Variants in CSMD3 observed in about 807,000 individuals in gnomAD.
CSMD3 encodes CUB and Sushi multiple domains 3.
Under a neutral mutation model 435.2 loss-of-function variants are expected in CSMD3, and 177 were observed. The ratio of observed to expected loss-of-function variants is 0.41; its 90% confidence interval spans 0.36 to 0.46. CSMD3 has a LOEUF of 0.46. Among genes scored for constraint, CSMD3 ranks in the 20% least tolerant of loss-of-function variants. The probability of loss-of-function intolerance (pLI) is 0.34; values close to 1 mark genes in which losing one functional copy is unlikely to be tolerated. For synonymous variants in CSMD3, 1,656 were observed against 1,520.5 expected, an observed-to-expected ratio of 1.09 and a Z score of -2.07; for missense variants, 4,265 against 4,504.6, an observed-to-expected ratio of 0.95 and a Z score of 1.52.
chr8:113,370,589 C>A (rs1331276048), intron 1 of CSMD3, among the ~76,000 whole-genome samples: 1 of 151,868 alleles, frequency 6.6e-6, no homozygotes, highest in Non-Finnish European at 1.5e-5. Context: ...AGATATATCC[C>A]CTGCACCCAC....
At chr8:112,324,619 A>G (rs2130892137) in intron 45 of CSMD3, among the ~76,000 whole-genome samples, 1 of 151,354 alleles carries the variant, frequency 6.6e-6, no homozygotes, top group East Asian at 1.9e-4. Flanking sequence ...GAGATGAATG[A>G]TAGCCCTAGT....
chr8:112,829,242 T>C (rs1196524020), intron 12 of CSMD3, among the ~76,000 whole-genome samples: 1 of 152,174 alleles, frequency 6.6e-6, no homozygotes, highest in Non-Finnish European at 1.5e-5. Flanking sequence ...CCTGGAGATG[T>C]TGATTCACTA....
intron 3 of CSMD3, among the ~76,000 whole-genome samples, chr8:113,257,134 C>A (rs545698997): frequency 6.6e-6 from 1 of 152,234 alleles, no homozygotes; most frequent in South Asian, 2.1e-4. Context: ...ACGGGCCGGG[C>A]GCAGTGGCTC....
At chr8:112,832,792 A>T (rs764974682) in intron 11 of CSMD3, among the ~76,000 whole-genome samples, 62 of 152,104 alleles carry the variant, frequency 4.1e-4, no homozygotes, top group Non-Finnish European at 4.6e-4. Flanking sequence ...TAAAAAATTT[A>T]TGTTGTTTCA....
chr8:112,650,096 T>A, intron 19 of CSMD3, 65 bp downstream of exon 19: 1 of 1,210,182 alleles, frequency 8.3e-7, no homozygotes, highest in East Asian at 2.3e-5. Flanking sequence ...AAACCCCATA[T>A]AAAAAACTAC....
chr8:112,940,188 G>C lies in CSMD3; in HGVS notation c.1508+7602C>G, dbSNP rs373142179. On this transcript the variant is annotated intron_variant, in intron 9 of 70. Transcript: ENST00000297405. ...TCCTGAATATACATTATACAGTAGT[G>C]TTTTAATAGTACCAAATGAGTAGCA... Among the ~76,000 whole-genome samples, 54 of 151,814 alleles carry C rather than the reference G, an allele frequency of 3.6e-4. 2 individuals carry two copies. In the South Asian group the frequency reaches 0.011, roughly 30 times the overall value.
chr8:112,985,081 TA>T (rs1353580908), intron 6 of CSMD3, among the ~76,000 whole-genome samples: 3 of 152,052 alleles, frequency 2.0e-5, no homozygotes, highest in African/African-American at 7.2e-5. Flanking sequence ...AATAGCTATT[TA>T]AAAAATAACC....
At chr8:112,317,523 T>C (rs1822586310) in intron 47 of CSMD3, among the ~76,000 whole-genome samples, 1 of 151,996 alleles carries the variant, frequency 6.6e-6, no homozygotes, top group African/African-American at 2.4e-5. Context: ...TCTAAATATC[T>C]GAACATGAAA....
intron 5 of CSMD3, among the ~76,000 whole-genome samples, chr8:113,026,091 C>CA (rs2086866334): frequency 6.6e-6 from 1 of 152,134 alleles, no homozygotes; most frequent in African/African-American, 2.4e-5. Context: ...GCAATGCAGC[C>CA]ATGTTAACTC....
At chr8:112,274,485 C>T (rs1256472235) in intron 59 of CSMD3, among the ~76,000 whole-genome samples, 1 of 152,042 alleles carries the variant, frequency 6.6e-6, no homozygotes, top group Non-Finnish European at 1.5e-5. Context: ...TCGACATTGA[C>T]AGAGAAATGT....
intron 35 of CSMD3, among the ~76,000 whole-genome samples, chr8:112,405,224 TATATATATATATATATATATATAC>T (rs1563904430): frequency 1.2e-4 from 7 of 58,330 alleles, no homozygotes; most frequent in African/African-American, 3.3e-4. Flanking sequence ...CATATATATA[TATATATATATATATATATATATAC>T]ATATATATAT....
chr8:112,338,080 CTTGA>C (rs1824747158), intron 42 of CSMD3, among the ~76,000 whole-genome samples: 1 of 152,106 alleles, frequency 6.6e-6, no homozygotes, highest in South Asian at 2.1e-4. Context: ...GCAATTGCTT[CTTGA>C]TTATGTTACA....
intron 9 of CSMD3, among the ~76,000 whole-genome samples, chr8:112,933,263 A>AT (rs1366662684): frequency 6.6e-6 from 1 of 152,144 alleles, no homozygotes; most frequent in Non-Finnish European, 1.5e-5. Context: ...TGGGCTATAG[A>AT]TTCTCTTAAC....
intron 58 of CSMD3, 97 bp from the exon 59 acceptor site, chr8:112,281,447 A>G: frequency 1.0e-6 from 1 of 983,650 alleles, no homozygotes; most frequent in Non-Finnish European, 1.6e-6. Context: ...AATTATTCAA[A>G]GAAGCAATAA....
At chr8:113,170,705 T>TAATC (rs1448351824) in intron 4 of CSMD3, among the ~76,000 whole-genome samples, 1 of 152,152 alleles carries the variant, frequency 6.6e-6, no homozygotes, top group Non-Finnish European at 1.5e-5. Context: ...AAATGTGTCT[T>TAATC]AATCAATCTT....
intron 28 of CSMD3, among the ~76,000 whole-genome samples, chr8:112,507,996 C>T (rs1382376006): frequency 6.6e-6 from 1 of 152,074 alleles, no homozygotes; most frequent in Non-Finnish European, 1.5e-5. Flanking sequence ...TAAACTGCTT[C>T]GATGTTCTGT....
intron 5 of CSMD3, among the ~76,000 whole-genome samples, chr8:113,051,886 T>G (rs961040806): frequency 3.3e-5 from 5 of 152,106 alleles, no homozygotes; most frequent in Admixed American, 6.5e-5. Context: ...AGATGATATG[T>G]CAATAACAAA....
intron 3 of CSMD3, among the ~76,000 whole-genome samples, chr8:113,232,206 A>C (rs2093096738): frequency 6.6e-6 from 1 of 151,580 alleles, no homozygotes; most frequent in South Asian, 2.1e-4. Context: ...ATATTTCACA[A>C]AATTGCTTCT....
intron 2 of CSMD3, among the ~76,000 whole-genome samples, chr8:113,296,283 A>G (rs2132555980): frequency 8.2e-6 from 1 of 121,746 alleles, no homozygotes; most frequent in East Asian, 2.2e-4. Flanking sequence ...GTACCCTAGA[A>G]CTTAAAGTAT....
Sources: allele counts gnomAD v4.1 joint callset (sites outside exome capture counted in the v4.1 genomes callset), GRCh38; gene constraint gnomAD v4.1.1; transcripts MANE v1.5; gene names NCBI Gene and HGNC (gene_info 2026-07-23, HGNC 2026-07-21).